Variants in SYS1 observed in about 807,000 individuals in gnomAD.
SYS1 encodes SYS1 golgi trafficking protein.
A neutral mutation model predicts 17.8 loss-of-function variants in SYS1; 8 were observed. That is an observed-to-expected ratio of 0.45 (90% CI 0.26 to 0.81). The LOEUF is 0.81. Ranked by LOEUF, SYS1 falls within the 40% of genes least tolerant of loss-of-function variation. The probability of loss-of-function intolerance (pLI) is 0.16; values close to 1 mark genes in which losing one functional copy is unlikely to be tolerated. For synonymous variants in SYS1, 95 were observed against 90.9 expected (o/e 1.05, Z -0.26); for missense variants, 161 against 203.9 (o/e 0.79, Z 1.28).
At chr20:45,376,385 G>A (rs183112844) in exon 4 of SYS1, 10 of 152,280 alleles carry the variant, frequency 6.6e-5, no homozygotes, top group African/African-American at 2.2e-4. Context: ...TTGAGTCCTC[G>A]CTCTATGCCA....
chr20:45,364,729 C>T (rs1334429950), intron 2 of SYS1, among the ~76,000 whole-genome samples: 1 of 152,050 alleles, frequency 6.6e-6, no homozygotes, highest in East Asian at 1.9e-4. Context: ...CCTCGGCCTC[C>T]CAAAGTGCTG....
chr20:45,375,157 C>T lies in SYS1; in HGVS notation c.*863C>T, dbSNP rs141630580. On this transcript the variant is annotated 3_prime_UTR_variant, in exon 4 of 4. Transcript: ENST00000426004. Reference sequence around the variant, plus strand: ...CACCCTGGGCGCCGGGAGGTGGATTCGTGTGGGCAGCCCCTCAAACCAGAT... The same window carrying T: ...CACCCTGGGCGCCGGGAGGTGGATTTGTGTGGGCAGCCCCTCAAACCAGAT... The T allele has an allele frequency of 5.2e-5, 84 of 1,614,070 alleles. No homozygotes were observed. The highest frequency in any genetic ancestry group is 2.0e-4 in the African/African-American group (15 of 74,924).
At chr20:45,362,236 T>C (rs1308633607), upstream of SYS1, among the ~76,000 whole-genome samples, 2 of 152,216 alleles carry the variant, frequency 1.3e-5, no homozygotes. Flanking sequence ...TGCCTTCTAA[T>C]ATAGTTCATC....
downstream of SYS1, among the ~76,000 whole-genome samples, chr20:45,370,209 G>A (rs774759335): frequency 1.4e-4 from 21 of 152,206 alleles, no homozygotes; most frequent in Non-Finnish European, 2.6e-4. Context: ...TTACAGGCAT[G>A]AGCCACTGTG....
At chr20:45,365,331 G>A (rs1988374952) in intron 2 of SYS1, 2 of 490,332 alleles carry the variant, frequency 4.1e-6, no homozygotes, top group African/African-American at 1.9e-5. Flanking sequence ...CGCTGTTCTA[G>A]ACTTTACTCT....
chr20:45,362,026 A>AT (rs1988239292), upstream of SYS1: 4 of 985,344 alleles, frequency 4.1e-6, no homozygotes, highest in South Asian at 1.4e-4. Flanking sequence ...TGGAGTAGGA[A>AT]TAAGTGAGTT....
chr20:45,363,557 T>C lies in SYS1; in HGVS notation c.26T>C (p.Val9Ala), dbSNP rs756532812. 2 of 1,580,792 alleles carry C rather than the reference T, an allele frequency of 1.3e-6. No homozygotes were observed. Among genetic ancestry groups the C allele is most frequent in the South Asian group, 1.1e-5 (1 of 87,286 alleles). MAGQFRSY[V>A]WDPLLILSQI... Reference sequence around the variant, plus strand: ...ATGGCGGGTCAGTTCCGCAGCTACGTGTGGGACCCGCTGCTGATCCTGTCG... The same window carrying C: ...ATGGCGGGTCAGTTCCGCAGCTACGCGTGGGACCCGCTGCTGATCCTGTCG... Residue 9 changes from valine to alanine, a missense_variant, in exon 2 of 4, where the codon GTG becomes GCG. Transcript: ENST00000243918.
chr20:45,376,226 C>T (rs1405710587), exon 4 of SYS1: 1 of 152,246 alleles, frequency 6.6e-6, no homozygotes, highest in Non-Finnish European at 1.5e-5. Flanking sequence ...ATATTAAATG[C>T]TGAGACTTTC....
chr20:45,374,953 C>G, exon 4 of SYS1: 1 of 1,530,898 alleles, frequency 6.5e-7, no homozygotes. Flanking sequence ...GACTCCAGAT[C>G]CTGAACCCTG....
Position 45,374,612 on chromosome 20 carries a change from CATAA to C in SYS1, c.*322_*325del, listed in dbSNP as rs147962067. The C allele has an allele frequency of 1.9e-3, 858 of 453,564 alleles. 5 individuals carry two copies. The highest frequency in any genetic ancestry group is 0.016 in the African/African-American group (785 of 50,382). The allele number at this position is 453,564 out of a possible 1,614,324, so 28.1% of individuals were successfully genotyped here. A position where few individuals can be genotyped will look rare whatever the true frequency, so the allele number is the denominator to read the frequency against. On this transcript the variant is annotated 3_prime_UTR_variant, in exon 4 of 4. Coordinates refer to the SYS1 transcript ENST00000426004. ...TTATTTGAGGCATGAATCAATCAAA[CATAA>C]ATAGAGAGTTGAATTGATCTTAGAG...
In SYS1 at chr20:45,368,144, C is replaced by T. The variant is rs567631691; in HGVS notation, c.*1029C>T. ...TGCCTGCACTTACTTTGTAATGCCA[C>T]GGTTGAGATTGAGAGAGATCAGCGC... On this transcript the variant is annotated 3_prime_UTR_variant, in exon 4 of 4. Transcript: ENST00000243918. The T allele has an allele frequency of 9.9e-5, 98 of 985,210 alleles. No individual in the cohort carries two copies. Among genetic ancestry groups the T allele is most frequent in the Middle Eastern group, 1.0e-3 (2 of 1,936 alleles). 61.0% of individuals were successfully genotyped at this position (985,210 alleles called of 1,614,324 possible). A position where few individuals can be genotyped will look rare whatever the true frequency, so the allele number is the denominator to read the frequency against.
rs1988450030 is a variant in SYS1 at position 45,367,340 on chromosome 20, T to C, written c.*225T>C. ...TGTTGAAGCCTTGGTATCTGAGAGG[T>C]CAGGAAGGGGACCTCTTTGAGGGTA... is the stretch of plus-strand genomic sequence containing the variant. On this transcript the variant is annotated 3_prime_UTR_variant, in exon 4 of 4. Transcript: ENST00000243918. 7.2e-7 allele frequency: 1 copy of C among 1,383,458 alleles called. No individual in the cohort carries two copies. Among genetic ancestry groups the C allele is most frequent in the Non-Finnish European group, 9.4e-7 (1 of 1,068,800 alleles). 85.7% of individuals were successfully genotyped at this position (1,383,458 alleles called of 1,614,324 possible).
chr20:45,374,324 G>A (rs944837880), exon 4 of SYS1: 1 of 687,696 alleles, frequency 1.5e-6, no homozygotes. Flanking sequence ...CCAGGCTGGA[G>A]TGCAGTGGCG....
intron 3 of SYS1, among the ~76,000 whole-genome samples, chr20:45,366,038 G>A (rs1268405923): frequency 1.3e-5 from 2 of 152,180 alleles, no homozygotes. Flanking sequence ...ATGGGCCTCA[G>A]GCTCCTCTTT....
chr20:45,374,378 C>A, exon 4 of SYS1: 2 of 633,672 alleles, frequency 3.2e-6, no homozygotes, highest in South Asian at 1.8e-5. Context: ...CTTAAGCGAT[C>A]CTCCGACCTC....
intron 2 of SYS1, among the ~76,000 whole-genome samples, chr20:45,364,340 G>A (rs980452570): frequency 6.6e-6 from 1 of 151,920 alleles, no homozygotes. Flanking sequence ...CTACCATGTT[G>A]CCCTCAACAA....
At chr20:45,369,596 CTTTTTT>C (rs573922300), downstream of SYS1, among the ~76,000 whole-genome samples, 48,563 of 102,830 alleles carry the variant, frequency 0.47, 10,011 homozygotes, top group Middle Eastern at 0.64. Flanking sequence ...CAGAGATTTC[CTTTTTT>C]TTTTTTTTTT....
chr20:45,373,136 C>G (rs1988607348), downstream of SYS1: 1 of 152,340 alleles, frequency 6.6e-6, no homozygotes, highest in Admixed American at 6.5e-5. Flanking sequence ...CCTTGGCTTT[C>G]CTCTCCCCAA....
Position 45,368,470 on chromosome 20 carries a change from G to C in SYS1, c.*1355G>C, listed in dbSNP as rs1241936353. ...CAGAGCTTTCCCAAGAGAGCTGTCAGTTTTCAGCTGTCAGTAACACAAATG... is the reference window on the plus strand; with the variant it reads ...CAGAGCTTTCCCAAGAGAGCTGTCACTTTTCAGCTGTCAGTAACACAAATG... On this transcript the variant is annotated 3_prime_UTR_variant, in exon 4 of 4. Coordinates refer to ENST00000243918, the MANE Select transcript of SYS1 (RefSeq NM_033542.4). 1 of 985,324 alleles carries C rather than the reference G, an allele frequency of 1.0e-6. No individual in the cohort carries two copies. The highest frequency in any genetic ancestry group is 6.1e-5 in the Admixed American group (1 of 16,270). The allele number at this position is 985,324 out of a possible 1,614,324, so 61.0% of individuals were successfully genotyped here.
Sources: allele counts gnomAD v4.1 joint callset (sites outside exome capture counted in the v4.1 genomes callset), GRCh38; gene constraint gnomAD v4.1.1; transcripts MANE v1.5; gene names NCBI Gene and HGNC (gene_info 2026-07-23, HGNC 2026-07-21).